Variants in TNFRSF11A observed in about 807,000 individuals in gnomAD.
The protein encoded by TNFRSF11A is TNF receptor superfamily member 11a, also known as tumor necrosis factor receptor superfamily member 11A.
TNFRSF11A carries 32 observed loss-of-function variants against 55.7 expected under a neutral mutation model. That is an observed-to-expected ratio of 0.57 (90% CI 0.43 to 0.77). The LOEUF (loss-of-function observed/expected upper bound fraction) is 0.77. TNFRSF11A is among the 30% of genes least tolerant of loss of function. The pLI, the probability that TNFRSF11A is intolerant of heterozygous loss-of-function variation, is 0.00. For synonymous variants in TNFRSF11A, 311 were observed against 331.0 expected (o/e 0.94, Z 0.65); for missense variants, 753 against 809.8 (o/e 0.93, Z 0.85).
At position 62,385,246 on chromosome 18, in the gene TNFRSF11A, C is replaced by G. The variant is rs1911633703; in HGVS notation, c.*212C>G. 1 of 493,302 alleles carries G rather than the reference C, an allele frequency of 2.0e-6. No individual in the cohort carries two copies. The highest frequency in any genetic ancestry group is 3.7e-5 in the East Asian group (1 of 26,740). 30.6% of individuals were successfully genotyped at this position (493,302 alleles called of 1,614,324 possible). A position where few individuals can be genotyped will look rare whatever the true frequency, so the allele number is the denominator to read the frequency against. ...CCCATGCCCACGGATGCTCAGCAGC[C>G]CGCCGCACTGGGGCAGATGTCTCCC... On this transcript the variant is annotated 3_prime_UTR_variant, in exon 10 of 10. Coordinates refer to ENST00000586569, the MANE Select transcript of TNFRSF11A (RefSeq NM_003839.4).
At chr18:62,327,003 AG>A (rs1304958519) in intron 1 of TNFRSF11A, among the ~76,000 whole-genome samples, 3 of 151,682 alleles carry the variant, frequency 2.0e-5, no homozygotes, top group Admixed American at 1.3e-4. Context: ...TAGCATCCAT[AG>A]GGGCTTCTGC....
chr18:62,335,983 G>A (rs985119428), intron 1 of TNFRSF11A, among the ~76,000 whole-genome samples: 3 of 152,206 alleles, frequency 2.0e-5, no homozygotes, highest in Non-Finnish European at 4.4e-5. Flanking sequence ...TGCAGGAAGG[G>A]AAGGGAAGCC....
At position 62,325,453 on chromosome 18, in the gene TNFRSF11A, C is replaced by T; in HGVS notation, c.75+26C>T. On this transcript the variant is annotated intron_variant, in intron 1 of 9. Coordinates refer to ENST00000586569, the MANE Select transcript of TNFRSF11A (RefSeq NM_003839.4). The surrounding 1 kb of genome is among the most constrained non-coding windows in gnomAD (Gnocchi z 4.7). ...GTAAGGAGCGCCCGCGCCTGCCGGG[C>T]CGCGCGGCCCGACGCCTCCTCGGGA... is the stretch of plus-strand genomic sequence containing the variant. 1.6e-6 allele frequency: 2 copies of T among 1,240,100 alleles called. No individual in the cohort carries two copies. Among genetic ancestry groups the T allele is most frequent in the East Asian group, 4.4e-5 (1 of 22,874 alleles). 76.8% of individuals were successfully genotyped at this position (1,240,100 alleles called of 1,614,324 possible). A position where few individuals can be genotyped will look rare whatever the true frequency, so the allele number is the denominator to read the frequency against.
intron 9 of TNFRSF11A, among the ~76,000 whole-genome samples, chr18:62,378,878 G>T (rs2145385568): frequency 6.6e-6 from 1 of 152,258 alleles, no homozygotes; most frequent in Admixed American, 6.5e-5. Context: ...CCACATTTCT[G>T]CCCCTCCTGA....
At chr18:62,375,734 C>T (rs1008876268) in intron 9 of TNFRSF11A, among the ~76,000 whole-genome samples, 1 of 152,170 alleles carries the variant, frequency 6.6e-6, no homozygotes, top group African/African-American at 2.4e-5. Context: ...GGCACAGTGG[C>T]TCCCACCTGT....
At chr18:62,348,112 G>A in intron 1 of TNFRSF11A, 56 bp from the exon 2 acceptor site, 1 of 1,283,000 alleles carries the variant, frequency 7.8e-7, no homozygotes, top group South Asian at 1.2e-5. Context: ...GTTTTACCTA[G>A]TTTTATCCAG....
rs926292239 is a variant in TNFRSF11A at position 62,387,245 on chromosome 18, A to G, written c.*2211A>G. The G allele has an allele frequency of 2.0e-5, 3 of 152,202 alleles. No homozygotes were observed. The highest frequency in any genetic ancestry group is 4.4e-5 in the Non-Finnish European group (3 of 68,042). 9.4% of individuals were successfully genotyped at this position (152,202 alleles called of 1,614,324 possible). A position where few individuals can be genotyped will look rare whatever the true frequency, so the allele number is the denominator to read the frequency against. On this transcript the variant is annotated 3_prime_UTR_variant, in exon 10 of 10. Transcript: ENST00000586569. Reference sequence around the variant, plus strand: ...TCCTGCACTGATCCCTACTAATTCTATATTGATCCAAAGGCAACTCAATGC... The same window carrying G: ...TCCTGCACTGATCCCTACTAATTCTGTATTGATCCAAAGGCAACTCAATGC...
At chr18:62,352,347 G>A (rs752668819) in intron 3 of TNFRSF11A, among the ~76,000 whole-genome samples, 5 of 152,144 alleles carry the variant, frequency 3.3e-5, no homozygotes, top group African/African-American at 4.8e-5. Flanking sequence ...TTTCCCCAAT[G>A]GACAGAATTA....
chr18:62,344,423 A>G (rs2046354068), intron 1 of TNFRSF11A, among the ~76,000 whole-genome samples: 1 of 152,216 alleles, frequency 6.6e-6, no homozygotes, highest in Non-Finnish European at 1.5e-5. Flanking sequence ...TTAGGGAAAA[A>G]GAGGCAACTG....
At chr18:62,384,370 C>T (rs1226357616) in intron 9 of TNFRSF11A, among the ~76,000 whole-genome samples, 2 of 141,976 alleles carry the variant, frequency 1.4e-5, no homozygotes, top group Non-Finnish European at 3.1e-5. Flanking sequence ...TCCTCCTCTC[C>T]TCCTCCTCTT....
chr18:62,351,309 C>G (rs2046468675), intron 3 of TNFRSF11A, among the ~76,000 whole-genome samples: 1 of 152,184 alleles, frequency 6.6e-6, no homozygotes, highest in Admixed American at 6.5e-5. Context: ...GGCCTGACCC[C>G]TTCTTATAAA....
chr18:62,359,867 C>A, intron 5 of TNFRSF11A, 88 bp from the exon 6 acceptor site: 1 of 1,197,656 alleles, frequency 8.3e-7, no homozygotes, highest in Non-Finnish European at 1.2e-6. Flanking sequence ...CCTGAAGGAG[C>A]TGGCAATCTG....
At position 62,349,693 on chromosome 18, in the gene TNFRSF11A, A is replaced by G. The variant is rs2046436535; in HGVS notation, c.158-119A>G. ...TGTCTTTGGGGGGTGTCCTGGGATC[A>G]TGGGCACCAATGATTATTGGTCCCA... On this transcript the variant is annotated intron_variant, in intron 2 of 9. Transcript: ENST00000586569. 4.3e-5 allele frequency: 50 copies of G among 1,163,880 alleles called. No homozygotes were observed. The South Asian group carries it at 6.2e-4, about 14-fold the overall frequency. The allele number at this position is 1,163,880 out of a possible 1,614,324, so 72.1% of individuals were successfully genotyped here.
At position 62,369,095 on chromosome 18, in the gene TNFRSF11A, C is replaced by G; in HGVS notation, c.1178C>G (p.Thr393Arg). Residue 393 changes from threonine (T) to arginine (R), a missense_variant, in exon 9 of 10, where the codon ACA becomes AGA. Physicochemically the swap from Thr to Arg is moderately conservative, Grantham distance 71 (BLOSUM62 -1). Transcript: ENST00000586569. ...AGTTTAAGCCAGTGCTTCACGGGGACACAGAGCACAGTGGGTTCAGAAAGC... is the reference window on the plus strand; with the variant it reads ...AGTTTAAGCCAGTGCTTCACGGGGAGACAGAGCACAGTGGGTTCAGAAAGC... ...NDSLSQCFTG[T>R]QSTVGSESCN... The G allele has an allele frequency of 6.2e-7, 1 of 1,614,086 alleles. No homozygotes were observed. Among genetic ancestry groups the G allele is most frequent in the Non-Finnish European group, 8.5e-7 (1 of 1,180,050 alleles).
chr18:62,337,096 T>A (rs1476997531), intron 1 of TNFRSF11A, among the ~76,000 whole-genome samples: 1 of 152,192 alleles, frequency 6.6e-6, no homozygotes, highest in African/African-American at 2.4e-5. Flanking sequence ...GTTTGCTAAA[T>A]CAGAATGGTG....
At chr18:62,339,542 T>A (rs995931593) in intron 1 of TNFRSF11A, among the ~76,000 whole-genome samples, 1 of 152,188 alleles carries the variant, frequency 6.6e-6, no homozygotes, top group African/African-American at 2.4e-5. Flanking sequence ...ACAGTTTTCC[T>A]TCCTCTCTAT....
At chr18:62,329,787 C>T (rs2046124676) in intron 1 of TNFRSF11A, among the ~76,000 whole-genome samples, 1 of 152,192 alleles carries the variant, frequency 6.6e-6, no homozygotes, top group South Asian at 2.1e-4. Flanking sequence ...GCTCCCCAGG[C>T]AGGCTGCCTG....
intron 9 of TNFRSF11A, 60 bp from the exon 10 acceptor site, chr18:62,384,691 C>T: frequency 6.3e-7 from 1 of 1,581,184 alleles, no homozygotes; most frequent in East Asian, 2.3e-5. Flanking sequence ...TTCCTCTCGG[C>T]AGACCCTGCC....
chr18:62,329,124 A>G (rs1456624780), intron 1 of TNFRSF11A, among the ~76,000 whole-genome samples: 2 of 135,538 alleles, frequency 1.5e-5, no homozygotes, highest in African/African-American at 7.7e-5. Flanking sequence ...AAGTTCATGG[A>G]AAAAAAAATA....
Sources: allele counts gnomAD v4.1 joint callset (sites outside exome capture counted in the v4.1 genomes callset), GRCh38; gene constraint gnomAD v4.1.1; non-coding constraint Gnocchi (gnomAD v3.1); transcripts MANE v1.5; gene names NCBI Gene and HGNC (gene_info 2026-07-23, HGNC 2026-07-21).